The following NBEA variants were observed in gnomAD, a reference collection of about 807,000 sequenced individuals.
The protein encoded by NBEA is lysosomal-trafficking regulator 2.
In NBEA, 44 loss-of-function variants were observed where a neutral mutation model predicts 343.4. That is an observed-to-expected ratio of 0.13 (90% CI 0.10 to 0.16). The LOEUF (loss-of-function observed/expected upper bound fraction) is 0.16. NBEA is among the 10% of genes least tolerant of loss of function. The pLI, the probability that NBEA is intolerant of heterozygous loss-of-function variation, is 1.00. For missense variants in NBEA, 2,555 were observed against 3,631.3 expected (o/e 0.70, Z 7.62); for synonymous variants, 1,175 against 1,238.7 (o/e 0.95, Z 1.08).
At chr13:35,389,901 T>A (rs1395273050) in intron 38 of NBEA, among the ~76,000 whole-genome samples, 1 of 151,778 alleles carries the variant, frequency 6.6e-6, no homozygotes, top group Non-Finnish European at 1.5e-5. Context: ...TTTTTGTGGT[T>A]AAGATTACAG....
At chr13:35,171,233 A>G (rs1001372256) in intron 25 of NBEA, 39 bp from the exon 26 acceptor site, 2 of 1,576,430 alleles carry the variant, frequency 1.3e-6, no homozygotes, top group Admixed American at 1.8e-5. Flanking sequence ...CCAAATTTCC[A>G]AATTTTAAAC....
At chr13:35,194,681 A>T (rs1420168923) in intron 30 of NBEA, among the ~76,000 whole-genome samples, 1 of 152,086 alleles carries the variant, frequency 6.6e-6, no homozygotes, top group African/African-American at 2.4e-5. Context: ...TATCTCCATT[A>T]TACTTAGATG....
chr13:35,431,063 A>C (rs1037784797), intron 38 of NBEA, among the ~76,000 whole-genome samples: 6 of 152,074 alleles, frequency 3.9e-5, no homozygotes, highest in Non-Finnish European at 8.8e-5. Flanking sequence ...TTCAAAATGA[A>C]ATTATTTTTC....
At chr13:35,097,252 C>T (rs2065383112) in intron 10 of NBEA, among the ~76,000 whole-genome samples, 1 of 151,680 alleles carries the variant, frequency 6.6e-6, no homozygotes, top group African/African-American at 2.4e-5. Flanking sequence ...TCCTTTTGGG[C>T]TTTAATAATT....
chr13:35,427,351 A>G (rs1486579535), intron 38 of NBEA, among the ~76,000 whole-genome samples: 3 of 152,202 alleles, frequency 2.0e-5, no homozygotes, highest in East Asian at 1.9e-4. Flanking sequence ...TCCTTCTAAC[A>G]GACAGGACCC....
chr13:35,454,814 C>T (rs2046480434), intron 40 of NBEA, among the ~76,000 whole-genome samples: 1 of 151,966 alleles, frequency 6.6e-6, no homozygotes, highest in Non-Finnish European at 1.5e-5. Flanking sequence ...GAGCCAAGAT[C>T]GCACCACTGC....
At chr13:35,035,877 C>T (rs2062423180) in intron 1 of NBEA, among the ~76,000 whole-genome samples, 1 of 151,848 alleles carries the variant, frequency 6.6e-6, no homozygotes, top group African/African-American at 2.4e-5. Flanking sequence ...CTTTTTCCAT[C>T]TGTTTATTTT....
At chr13:35,405,186 G>C (rs2043212999) in intron 38 of NBEA, among the ~76,000 whole-genome samples, 1 of 152,144 alleles carries the variant, frequency 6.6e-6, no homozygotes, top group South Asian at 2.1e-4. Context: ...ATGCACTTTA[G>C]TCTGTGTAAC....
intron 38 of NBEA, among the ~76,000 whole-genome samples, chr13:35,395,509 C>T (rs1001901274): frequency 4.1e-4 from 62 of 152,104 alleles, no homozygotes; most frequent in African/African-American, 1.4e-3. Flanking sequence ...CTGTGAGCTA[C>T]TTAAACCTCT....
chr13:35,211,595 A>G (rs754081793), intron 33 of NBEA, among the ~76,000 whole-genome samples: 1 of 152,122 alleles, frequency 6.6e-6, no homozygotes, highest in African/African-American at 2.4e-5. Context: ...AGGGCAGATC[A>G]CTTGAGGCCA....
At chr13:35,596,165 A>C (rs1205074447) in intron 47 of NBEA, among the ~76,000 whole-genome samples, 1 of 151,878 alleles carries the variant, frequency 6.6e-6, no homozygotes, top group Non-Finnish European at 1.5e-5. Flanking sequence ...CCTCTATAGC[A>C]TCAGAATTTG....
At chr13:35,139,262 T>C (rs923129338) in intron 17 of NBEA, among the ~76,000 whole-genome samples, 3 of 151,898 alleles carry the variant, frequency 2.0e-5, no homozygotes, top group South Asian at 4.2e-4. Context: ...GGTTTCACCA[T>C]GTTGGCCATG....
chr13:35,290,494 T>C, intron 35 of NBEA, 44 bp downstream of exon 35: 4 of 1,359,530 alleles, frequency 2.9e-6, no homozygotes, highest in Non-Finnish European at 4.2e-6. Flanking sequence ...TATGAGGGTT[T>C]TTTGTGACTA....
At chr13:34,982,260 G>A (rs1232036690) in intron 1 of NBEA, among the ~76,000 whole-genome samples, 1 of 151,704 alleles carries the variant, frequency 6.6e-6, no homozygotes, top group Non-Finnish European at 1.5e-5. Context: ...TTAGTTAGGA[G>A]TGTTGTTTTT....
At chr13:35,306,482 C>G (rs1311889313) in intron 35 of NBEA, among the ~76,000 whole-genome samples, 2 of 151,900 alleles carry the variant, frequency 1.3e-5, no homozygotes, top group African/African-American at 4.8e-5. Context: ...ATTTTCAACT[C>G]TTTTTTAATG....
At chr13:35,128,551 G>T (rs756080512) in intron 17 of NBEA, among the ~76,000 whole-genome samples, 2 of 152,134 alleles carry the variant, frequency 1.3e-5, no homozygotes, top group African/African-American at 2.4e-5. Context: ...GGGGCTCATG[G>T]TGCAGGACTT....
intron 34 of NBEA, among the ~76,000 whole-genome samples, chr13:35,283,494 A>G (rs148943064): frequency 9.3e-4 from 142 of 152,266 alleles, no homozygotes; most frequent in African/African-American, 3.2e-3. Context: ...TGAAATTGCA[A>G]TTAAAATTAA....
intron 46 of NBEA, among the ~76,000 whole-genome samples, chr13:35,587,262 T>C (rs1197258715): frequency 6.6e-6 from 1 of 152,194 alleles, no homozygotes; most frequent in Non-Finnish European, 1.5e-5. Context: ...GTACCTGGGC[T>C]TAAGTAGCCC....
intron 58 of NBEA, 67 bp downstream of exon 58, chr13:35,668,586 A>C: frequency 1.4e-6 from 2 of 1,441,972 alleles, no homozygotes; most frequent in Admixed American, 5.0e-5. Context: ...CATTCTACCA[A>C]GGGTGAATTG....
Sources: allele counts gnomAD v4.1 joint callset (sites outside exome capture counted in the v4.1 genomes callset), GRCh38; gene constraint gnomAD v4.1.1; transcripts MANE v1.5; gene names NCBI Gene and HGNC (gene_info 2026-07-23, HGNC 2026-07-21).